Variants in MLIP observed in about 807,000 individuals in gnomAD.
MLIP encodes muscular LMNA-interacting protein.
MLIP carries 79 observed loss-of-function variants against 84.8 expected under a neutral mutation model. The observed-to-expected ratio is 0.93, with a 90% CI of 0.78 to 1.12. The LOEUF is 1.12. Among genes scored for constraint, MLIP ranks in the 50% most tolerant of loss-of-function variants. The pLI is 0.00. For synonymous variants in MLIP, 504 were observed against 463.0 expected, an observed-to-expected ratio of 1.09 and a Z score of -1.14; for missense variants, 1,257 against 1,160.6, an observed-to-expected ratio of 1.08 and a Z score of -1.21.
intron 11 of MLIP, among the ~76,000 whole-genome samples, chr6:54,227,949 C>T (rs1780694634): frequency 6.6e-6 from 1 of 151,886 alleles, no homozygotes; most frequent in African/African-American, 2.4e-5. Context: ...TTTGGGAGGC[C>T]GAGGCGAGCG....
At chr6:54,081,691 A>T (rs1767165779) in intron 1 of MLIP, among the ~76,000 whole-genome samples, 2 of 152,036 alleles carry the variant, frequency 1.3e-5, no homozygotes, top group Admixed American at 1.3e-4. Context: ...GGGATTACAG[A>T]CGTGAGGCAC....
intron 12 of MLIP, among the ~76,000 whole-genome samples, chr6:54,235,969 G>A (rs796723877): frequency 6.6e-6 from 1 of 152,034 alleles, no homozygotes; most frequent in Admixed American, 6.5e-5. Flanking sequence ...TTACTTTTGT[G>A]CCCCTACAGC....
At position 54,137,290 on chromosome 6, in the gene MLIP, A is replaced by G. The variant is rs927457058; in HGVS notation, c.1221A>G (p.Lys407=). 5.2e-6 allele frequency: 8 copies of G among 1,535,964 alleles called. No individual in the cohort carries two copies. Among genetic ancestry groups the G allele is most frequent in the Non-Finnish European group, 7.0e-6 (8 of 1,146,880 alleles). Residue 407 remains lysine (K), a synonymous_variant, in exon 4 of 14, where the codon AAA becomes AAG. Coordinates refer to ENST00000502396, the MANE Select transcript of MLIP (RefSeq NM_001281747.2). ...GAAATCTTTCAAAGTCAGGGGTAAA[A>G]TCCCCGGTGCCTTCCCGGCTTGCCC... ...SSGNLSKSGV[K]SPVPSRLALL...
chr6:54,189,270 C>T (rs1008978448), intron 9 of MLIP, among the ~76,000 whole-genome samples: 11 of 152,186 alleles, frequency 7.2e-5, no homozygotes, highest in African/African-American at 1.4e-4. Context: ...AATGTTCTTA[C>T]GACAATAACA....
At chr6:54,088,455 T>C (rs1198201317) in intron 1 of MLIP, among the ~76,000 whole-genome samples, 1 of 152,130 alleles carries the variant, frequency 6.6e-6, no homozygotes, top group African/African-American at 2.4e-5. Context: ...GACTGTGTCA[T>C]TATTTAACCT....
At chr6:54,075,906 A>G (rs556006919) in intron 1 of MLIP, among the ~76,000 whole-genome samples, 1 of 152,312 alleles carries the variant, frequency 6.6e-6, no homozygotes, top group Non-Finnish European at 1.5e-5. Flanking sequence ...TTGTGACTCA[A>G]GTTTTGCTAC....
chr6:54,047,356 A>T (rs1048463364), intron 1 of MLIP: 2 of 152,218 alleles, frequency 1.3e-5, no homozygotes, highest in African/African-American at 4.8e-5. Context: ...TATGGGACAA[A>T]TTCTGTTGCA....
intron 1 of MLIP, among the ~76,000 whole-genome samples, chr6:54,019,493 T>C (rs1459067357): frequency 6.6e-6 from 1 of 152,208 alleles, no homozygotes; most frequent in Non-Finnish European, 1.5e-5. Context: ...TTATAGAATA[T>C]ATTAATGTTT....
At chr6:54,172,727 TAAAC>T (rs1775894138) in intron 9 of MLIP, among the ~76,000 whole-genome samples, 1 of 150,348 alleles carries the variant, frequency 6.7e-6, no homozygotes, top group Non-Finnish European at 1.5e-5. Flanking sequence ...AAGAAAAAAA[TAAAC>T]AAAGAAAATC....
At chr6:54,185,421 G>A (rs2792635) in intron 9 of MLIP, among the ~76,000 whole-genome samples, 129,308 of 152,162 alleles carry the variant, frequency 0.85, 55,998 homozygotes, top group Non-Finnish European at 0.94. Flanking sequence ...GTCTGGGGGT[G>A]TCTAAAGCAT....
chr6:54,140,666 A>G (rs1373910295), intron 4 of MLIP, among the ~76,000 whole-genome samples: 1 of 152,154 alleles, frequency 6.6e-6, no homozygotes, highest in Non-Finnish European at 1.5e-5. Context: ...TTAGGTAAAA[A>G]TCAGAAAGTC....
At chr6:54,210,211 A>G (rs1277538141) in intron 11 of MLIP, among the ~76,000 whole-genome samples, 1 of 152,268 alleles carries the variant, frequency 6.6e-6, no homozygotes, top group Non-Finnish European at 1.5e-5. Flanking sequence ...CAGTTCCTAC[A>G]TACGTTTCAG....
chr6:54,083,151 T>C (rs1767270930), intron 1 of MLIP, among the ~76,000 whole-genome samples: 1 of 152,112 alleles, frequency 6.6e-6, no homozygotes, highest in South Asian at 2.1e-4. Context: ...GGCTTTCTAT[T>C]TGAAGGCATT....
intron 1 of MLIP, among the ~76,000 whole-genome samples, chr6:54,112,455 G>T (rs936062180): frequency 1.4e-4 from 22 of 152,318 alleles, no homozygotes; most frequent in African/African-American, 5.3e-4. Flanking sequence ...GTGGTGAAAA[G>T]AGCTAATATT....
intron 1 of MLIP, among the ~76,000 whole-genome samples, chr6:54,117,315 T>C (rs554483362): frequency 6.7e-5 from 10 of 149,892 alleles, no homozygotes; most frequent in African/African-American, 2.4e-4. Flanking sequence ...CCCAGGTTCA[T>C]GCTGTTCTCC....
At chr6:54,080,480 A>G (rs1767068101) in intron 1 of MLIP, among the ~76,000 whole-genome samples, 1 of 151,680 alleles carries the variant, frequency 6.6e-6, no homozygotes, top group African/African-American at 2.4e-5. Flanking sequence ...GCATGTCCTT[A>G]TTTTTACAAT....
chr6:54,161,355 T>C (rs568201739), intron 8 of MLIP, among the ~76,000 whole-genome samples: 22 of 152,102 alleles, frequency 1.4e-4, no homozygotes, highest in Non-Finnish European at 2.7e-4. Flanking sequence ...TTTTAGATTG[T>C]TAGAGTACTA....
At chr6:54,121,640 T>A (rs566668859) in intron 2 of MLIP, 38 bp downstream of exon 2, 2 of 1,443,596 alleles carry the variant, frequency 1.4e-6, no homozygotes, top group South Asian at 1.3e-5. Context: ...TTCAAACAAT[T>A]ATATTAAATT....
At chr6:54,037,691 T>A (rs929856983) in intron 1 of MLIP, among the ~76,000 whole-genome samples, 2 of 151,934 alleles carry the variant, frequency 1.3e-5, no homozygotes, top group African/African-American at 4.8e-5. Flanking sequence ...GTCAGCAGCC[T>A]AGGGTTACAT....
Sources: gnomAD v4.1 joint callset for allele counts (sites outside exome capture counted in the v4.1 genomes callset) on GRCh38, gnomAD v4.1.1 for gene constraint, MANE v1.5 for transcripts, NCBI Gene and HGNC (gene_info 2026-07-23, HGNC 2026-07-21) for gene names.